Variants in PRUNE2 observed in about 807,000 individuals in gnomAD.
The protein encoded by PRUNE2 is prune homolog 2 with BCH domain.
Under a neutral mutation model 252.0 loss-of-function variants are expected in PRUNE2, and 164 were observed. The ratio of observed to expected loss-of-function variants is 0.65; its 90% CI spans 0.57 to 0.74. The LOEUF (loss-of-function observed/expected upper bound fraction) is 0.74. PRUNE2 is among the 30% of genes least tolerant of loss of function. PRUNE2 has a pLI of 0.00. For synonymous variants in PRUNE2, 1,292 were observed against 1,350.2 expected (o/e 0.96, Z 0.94); for missense variants, 3,495 against 3,711.0 (o/e 0.94, Z 1.51).
intron 1 of PRUNE2, among the ~76,000 whole-genome samples, chr9:76,869,398 C>T (rs1032142395): frequency 6.6e-6 from 1 of 152,204 alleles, no homozygotes; most frequent in South Asian, 2.1e-4. Flanking sequence ...ATTTATTACA[C>T]TGTGTGTTTT....
At chr9:76,660,781 C>CAAAAAAA (rs11432174) in intron 9 of PRUNE2, among the ~76,000 whole-genome samples, 8 of 100,978 alleles carry the variant, frequency 7.9e-5, no homozygotes, top group Admixed American at 2.2e-4. Flanking sequence ...GACTCTGAAT[C>CAAAAAAA]AAAAAAAAAA....
chr9:76,640,009 T>A lies in PRUNE2; in HGVS notation c.8729-1721A>T, dbSNP rs549100338. ...AGGTAACTATATGGAATGTCATGCA[T>A]CTTTCACACTTAAAAAGGGAAGCAA... On this transcript the variant is annotated intron_variant, in intron 12 of 18. Transcript: ENST00000376718. 2.0e-5 allele frequency among the ~76,000 whole-genome samples: 3 copies of A among 152,364 alleles called. No individual in the cohort carries two copies. In the East Asian group the frequency reaches 5.8e-4, roughly 29 times the overall value.
chr9:76,791,066 A>T (rs1415784611), intron 6 of PRUNE2, among the ~76,000 whole-genome samples: 3 of 152,246 alleles, frequency 2.0e-5, no homozygotes, highest in African/African-American at 2.4e-5. Flanking sequence ...AGTGACTGCC[A>T]GAGGTTGAGG....
intron 9 of PRUNE2, among the ~76,000 whole-genome samples, chr9:76,699,375 G>A (rs594586): frequency 0.78 from 118,039 of 151,998 alleles, 46,116 homozygotes; most frequent in East Asian, 0.94. Context: ...TTTAGATGTT[G>A]TTGTAAAAGT....
intron 1 of PRUNE2, among the ~76,000 whole-genome samples, chr9:76,905,417 C>T (rs2063429475): frequency 6.6e-6 from 1 of 152,160 alleles, no homozygotes; most frequent in Admixed American, 6.5e-5. Flanking sequence ...CTAGAATATC[C>T]CTAACTCCTG....
intron 4 of PRUNE2, among the ~76,000 whole-genome samples, chr9:76,842,502 G>A (rs2059446192): frequency 7.9e-6 from 1 of 126,144 alleles, no homozygotes; most frequent in South Asian, 2.6e-4. Flanking sequence ...TCTAATTAAA[G>A]AGCTTCTGCA....
chr9:76,837,441 A>AAATAATAATAATAATAATAATAAT (rs57793891), intron 4 of PRUNE2, among the ~76,000 whole-genome samples: 32 of 134,832 alleles, frequency 2.4e-4, no homozygotes, highest in East Asian at 4.9e-4. Context: ...ACTCTGTCTC[A>AAATAATAATAATAATAATAATAAT]AATAATAATA....
At chr9:76,832,707 G>A (rs2058735839) in intron 4 of PRUNE2, among the ~76,000 whole-genome samples, 1 of 151,750 alleles carries the variant, frequency 6.6e-6, no homozygotes, top group Admixed American at 6.6e-5. Flanking sequence ...AGTTAAAGAT[G>A]AAGGAAACAA....
At position 76,826,512 on chromosome 9, in the gene PRUNE2, A is replaced by G. The variant is rs916083657; in HGVS notation, c.661+68T>C. On this transcript the variant is annotated intron_variant, in intron 5 of 18. Coordinates refer to ENST00000376718, the MANE Select transcript of PRUNE2 (RefSeq NM_015225.3). ...AAACAAATATACCTTCTCAGGTCTG[A>G]TGATGCTCCATGCCACAAACCATCC... 6.1e-6 allele frequency: 7 copies of G among 1,151,716 alleles called. No individual in the cohort carries two copies. The Admixed American group carries it at 1.4e-4, about 24-fold the overall frequency. 71.3% of individuals were successfully genotyped at this position (1,151,716 alleles called of 1,614,324 possible).
intron 6 of PRUNE2, among the ~76,000 whole-genome samples, chr9:76,793,890 T>C (rs1309989723): frequency 2.6e-5 from 4 of 152,332 alleles, no homozygotes; most frequent in East Asian, 1.9e-4. Context: ...ACATGGTCTA[T>C]AGCATTTCAG....
rs145244460 is a variant in PRUNE2 at position 76,796,891 on chromosome 9, G to A, written c.756+26741C>T. ...CTTTTCTGGCCTTAGGATGCAAACT[G>A]AAACATTCATTCTTCTTGGATCTTG... is the stretch of plus-strand genomic sequence containing the variant. On this transcript the variant is annotated intron_variant, in intron 6 of 18. Coordinates refer to ENST00000376718, the MANE Select transcript of PRUNE2 (RefSeq NM_015225.3). 1.6e-3 allele frequency among the ~76,000 whole-genome samples: 237 copies of A among 152,284 alleles called. 1 individual carries two copies. The highest frequency in any genetic ancestry group is 5.5e-3 in the African/African-American group (227 of 41,572).
In PRUNE2 at chr9:76,708,085, G is replaced by A. The variant is rs750850110; in HGVS notation, c.4189C>T (p.Pro1397Ser). ...TCCTCATACTCTAAAACTTCCTCTG[G>A]TTCCTCGGTTTGAGGACTGAAAGTG... The part of the protein sequence containing the change: ...AVTFSPQTEE[P>S]EEVLEYEEGS... The change falls in exon 8 of 19, where the codon CCA (proline) becomes TCA (serine). Residue 1397 changes from proline (P) to serine (S), a missense_variant. Pro to Ser is a moderately conservative substitution (Grantham distance 74). Coordinates refer to ENST00000376718, the MANE Select transcript of PRUNE2 (RefSeq NM_015225.3). The A allele has an allele frequency of 6.2e-7, 1 of 1,613,902 alleles. No individual in the cohort carries two copies. The highest frequency in any genetic ancestry group is 8.5e-7 in the Non-Finnish European group (1 of 1,179,876).
At chr9:76,757,473 T>A (rs1268778121) in intron 6 of PRUNE2, among the ~76,000 whole-genome samples, 1 of 152,196 alleles carries the variant, frequency 6.6e-6, no homozygotes, top group African/African-American at 2.4e-5. Context: ...TAAACTAGGA[T>A]TCAGACTGAA....
chr9:76,810,981 A>AAATT lies in PRUNE2; in HGVS notation c.756+12650_756+12651insAATT, dbSNP rs2057320115. Among the ~76,000 whole-genome samples the AAATT allele has an allele frequency of 4.6e-5, 7 of 152,344 alleles. No individual in the cohort carries two copies. The South Asian group carries it at 1.4e-3, about 32-fold the overall frequency. ...CATATGATTCTCAGGAGCGTTACAG[A>AAATT]CAAACTAATTTAAACCAAGGTCAGG... On this transcript the variant is annotated intron_variant, in intron 6 of 18. Coordinates refer to ENST00000376718, the MANE Select transcript of PRUNE2 (RefSeq NM_015225.3).
intron 6 of PRUNE2, among the ~76,000 whole-genome samples, chr9:76,768,112 G>T (rs1440292286): frequency 6.6e-6 from 1 of 152,134 alleles, no homozygotes; most frequent in African/African-American, 2.4e-5. Flanking sequence ...GCTGCCTGGT[G>T]AGGAGGATCA....
intron 1 of PRUNE2, among the ~76,000 whole-genome samples, chr9:76,885,455 T>G (rs2062032204): frequency 6.7e-6 from 1 of 149,316 alleles, no homozygotes; most frequent in African/African-American, 2.4e-5. Flanking sequence ...ACCCCATTCC[T>G]AGGCACCCAC....
intron 4 of PRUNE2, among the ~76,000 whole-genome samples, chr9:76,828,032 T>C (rs553489376): frequency 1.3e-5 from 2 of 152,340 alleles, no homozygotes; most frequent in South Asian, 4.1e-4. Context: ...CCTTGCCTCT[T>C]GAAGCTCACG....
At chr9:76,768,680 A>C (rs1378987313) in intron 6 of PRUNE2, among the ~76,000 whole-genome samples, 1 of 151,774 alleles carries the variant, frequency 6.6e-6, no homozygotes, top group Non-Finnish European at 1.5e-5. Flanking sequence ...TCATCTCATA[A>C]AAAATTCACT....
At chr9:76,630,256 A>AT (rs1283165144) in intron 15 of PRUNE2, among the ~76,000 whole-genome samples, 1 of 145,880 alleles carries the variant, frequency 6.9e-6, no homozygotes, top group African/African-American at 2.6e-5. Flanking sequence ...TATTTTAAAA[A>AT]TTTTTGTTTT....
Sources: allele counts gnomAD v4.1 joint callset (sites outside exome capture counted in the v4.1 genomes callset), GRCh38; gene constraint gnomAD v4.1.1; transcripts MANE v1.5; gene names NCBI Gene and HGNC (gene_info 2026-07-23, HGNC 2026-07-21).